The following NRG3 variants were observed in gnomAD, a reference collection of about 807,000 sequenced individuals.
The protein encoded by NRG3 is pro-neuregulin-3, membrane-bound isoform.
A neutral mutation model predicts 66.9 loss-of-function variants in NRG3; 31 were observed. The observed-to-expected ratio is 0.46, with a 90% CI of 0.35 to 0.63. NRG3 has a LOEUF of 0.63. NRG3 is among the 20% of genes least tolerant of loss of function. The probability of loss-of-function intolerance (pLI) is 0.00; values close to 1 mark genes in which losing one functional copy is unlikely to be tolerated. For missense variants in NRG3, 910 were observed against 878.9 expected, an observed-to-expected ratio of 1.04 and a Z score of -0.45; for synonymous variants, 393 against 359.4, an observed-to-expected ratio of 1.09 and a Z score of -1.06.
At chr10:82,442,906 T>C (rs758306065) in intron 2 of NRG3, among the ~76,000 whole-genome samples, 2 of 150,776 alleles carry the variant, frequency 1.3e-5, no homozygotes, top group Non-Finnish European at 2.9e-5. Context: ...GTTTTTGGTG[T>C]TGTAGGCTGA....
intron 1 of NRG3, among the ~76,000 whole-genome samples, chr10:82,353,619 T>C (rs1439312753): frequency 6.6e-6 from 1 of 152,190 alleles, no homozygotes; most frequent in Non-Finnish European, 1.5e-5. Flanking sequence ...CACATTAAAC[T>C]ACATGTAACA....
intron 1 of NRG3, among the ~76,000 whole-genome samples, chr10:82,098,054 T>TATATAC (rs757078526): frequency 1.4e-5 from 2 of 146,712 alleles, no homozygotes; most frequent in Non-Finnish European, 3.0e-5. Flanking sequence ...GCCACATATA[T>TATATAC]ACACACACAC....
At chr10:82,174,410 A>G (rs909961100) in intron 1 of NRG3, among the ~76,000 whole-genome samples, 3 of 151,694 alleles carry the variant, frequency 2.0e-5, no homozygotes, top group African/African-American at 7.3e-5. Flanking sequence ...TTTGCCCATC[A>G]TTAAGCCAAT....
Position 82,352,224 on chromosome 10 carries a change from T to C in NRG3, c.824-6515T>C, listed in dbSNP as rs141972590. ...AAACACACACACACATACAGACACA[T>C]ACACAGATATATAACATGTTTGTAT... is the stretch of plus-strand genomic sequence containing the variant. On this transcript the variant is annotated intron_variant, in intron 1 of 8. Coordinates refer to ENST00000372141, the MANE Select transcript of NRG3 (RefSeq NM_001010848.4). Among the ~76,000 whole-genome samples the C allele has an allele frequency of 4.7e-3, 723 of 152,264 alleles. 5 individuals are homozygous for C. Among genetic ancestry groups the C allele is most frequent in the African/African-American group, 0.017 (692 of 41,556 alleles).
intron 2 of NRG3, among the ~76,000 whole-genome samples, chr10:82,435,318 G>A (rs1351491792): frequency 1.3e-5 from 2 of 151,858 alleles, no homozygotes; most frequent in Non-Finnish European, 2.9e-5. Context: ...TATTGTGTCT[G>A]TCTGATGCTT....
Position 82,763,774 on chromosome 10 carries a change from A to G in NRG3, c.1027+25124A>G, listed in dbSNP as rs146054958. Among the ~76,000 whole-genome samples, 907 of 152,262 alleles carry G rather than the reference A, an allele frequency of 6.0e-3. 12 individuals carry two copies. Among genetic ancestry groups the G allele is most frequent in the African/African-American group, 0.02 (835 of 41,558 alleles). On this transcript the variant is annotated intron_variant, in intron 3 of 8. Transcript: ENST00000372141. ...TTGGTCATATGTGGCTGTTGATCAT[A>G]CAGAATGTGTCTAGTCCAAATTAAG...
chr10:82,601,152 C>G (rs901246032), intron 2 of NRG3, among the ~76,000 whole-genome samples: 1 of 152,092 alleles, frequency 6.6e-6, no homozygotes, highest in African/African-American at 2.4e-5. Context: ...GTGTAGTGTT[C>G]CATGGTACAT....
Position 82,266,544 on chromosome 10 carries a change from G to C in NRG3, c.824-92195G>C, listed in dbSNP as rs931482126. Among the ~76,000 whole-genome samples, 8 of 152,134 alleles carry C rather than the reference G, an allele frequency of 5.3e-5. 1 individual carries two copies. The highest frequency in any genetic ancestry group is 1.2e-4 in the Non-Finnish European group (8 of 68,024). ...GAGGTATTGCTCTCCTATCCTAAGAGATGCCTTCTTTGGCAAGACTGTTCA... is the reference window on the plus strand; with the variant it reads ...GAGGTATTGCTCTCCTATCCTAAGACATGCCTTCTTTGGCAAGACTGTTCA... On this transcript the variant is annotated intron_variant, in intron 1 of 8. Transcript: ENST00000372141.
At chr10:82,086,087 A>G (rs1260507877) in intron 1 of NRG3, among the ~76,000 whole-genome samples, 2 of 151,758 alleles carry the variant, frequency 1.3e-5, no homozygotes, top group African/African-American at 4.8e-5. Flanking sequence ...ACTGAAACCA[A>G]TAAGATTTGG....
rs768702825 is a variant in NRG3 at position 82,085,623 on chromosome 10, T to A, written c.823+209460T>A. On this transcript the variant is annotated intron_variant, in intron 1 of 8. Coordinates refer to ENST00000372141, the MANE Select transcript of NRG3 (RefSeq NM_001010848.4). Reference sequence around the variant, plus strand: ...CAGCCTACTCCCATGGTCAAGACATTAACCCATTCACCTCTTTTTTTTTTC... The same window carrying A: ...CAGCCTACTCCCATGGTCAAGACATAAACCCATTCACCTCTTTTTTTTTTC... 3.6e-4 allele frequency among the ~76,000 whole-genome samples: 55 copies of A among 151,960 alleles called. 1 individual carries two copies. Among genetic ancestry groups the A allele is most frequent in the Non-Finnish European group, 7.4e-4 (50 of 67,990 alleles).
chr10:82,553,795 T>G (rs2044480294), intron 2 of NRG3, among the ~76,000 whole-genome samples: 1 of 152,156 alleles, frequency 6.6e-6, no homozygotes, highest in South Asian at 2.1e-4. Context: ...ATTACTCAGT[T>G]CTAACACTGG....
At chr10:82,471,629 G>T (rs12767532) in intron 2 of NRG3, among the ~76,000 whole-genome samples, 84,298 of 152,028 alleles carry the variant, frequency 0.55, 27,443 homozygotes, top group South Asian at 0.76. Context: ...CAAGGTTTGC[G>T]ACTGGGCACG....
intron 3 of NRG3, among the ~76,000 whole-genome samples, chr10:82,787,815 C>T (rs2060431399): frequency 6.6e-6 from 1 of 152,142 alleles, no homozygotes; most frequent in Non-Finnish European, 1.5e-5. Context: ...CATTCCACAT[C>T]ACTGGTTGTT....
At chr10:82,469,344 G>C (rs1470141069) in intron 2 of NRG3, among the ~76,000 whole-genome samples, 1 of 152,074 alleles carries the variant, frequency 6.6e-6, no homozygotes, top group Non-Finnish European at 1.5e-5. Context: ...AAGAGCTCCT[G>C]GTGCACTCTG....
At chr10:82,965,092 G>A (rs1851080518) in intron 6 of NRG3, among the ~76,000 whole-genome samples, 1 of 152,096 alleles carries the variant, frequency 6.6e-6, no homozygotes, top group African/African-American at 2.4e-5. Context: ...TATTAACCAG[G>A]GCCTATGAAG....
chr10:82,537,242 A>G lies in NRG3; in HGVS notation c.953+178374A>G, dbSNP rs866189235. Among the ~76,000 whole-genome samples the G allele has an allele frequency of 3.3e-4, 50 of 152,276 alleles. No individual in the cohort carries two copies. The Middle Eastern group carries it at 0.02, about 62-fold the overall frequency. On this transcript the variant is annotated intron_variant, in intron 2 of 8. Coordinates refer to ENST00000372141, the MANE Select transcript of NRG3 (RefSeq NM_001010848.4). ...CCTTTTGAAGAATTTCCTTAGGTCA[A>G]TTCATTTACAAATGGTAACATTTAA...
intron 6 of NRG3, among the ~76,000 whole-genome samples, chr10:82,969,921 A>G (rs961980995): frequency 2.0e-5 from 3 of 152,242 alleles, no homozygotes; most frequent in African/African-American, 7.2e-5. Flanking sequence ...ATATATACAC[A>G]ATCTATTTAT....
chr10:82,085,026 A>C (rs1439294318), intron 1 of NRG3, among the ~76,000 whole-genome samples: 2 of 152,158 alleles, frequency 1.3e-5, no homozygotes, highest in Admixed American at 1.3e-4. Context: ...CAAATATTTA[A>C]GTTGAATTGT....
chr10:81,947,800 C>T (rs1041018665), intron 1 of NRG3, among the ~76,000 whole-genome samples: 2 of 152,074 alleles, frequency 1.3e-5, no homozygotes, highest in Admixed American at 6.6e-5. Context: ...TTCAGCACTT[C>T]ATTATCGCAG....
Sources: allele counts gnomAD v4.1 joint callset (sites outside exome capture counted in the v4.1 genomes callset), GRCh38; gene constraint gnomAD v4.1.1; transcripts MANE v1.5; gene names NCBI Gene and HGNC (gene_info 2026-07-23, HGNC 2026-07-21).